The following SCD5 variants were observed in gnomAD, a reference collection of about 807,000 sequenced individuals.
SCD5 encodes the protein acyl-CoA-desaturase 4.
In SCD5, 20 loss-of-function variants were observed where a neutral mutation model predicts 30.4. That is an observed-to-expected ratio of 0.66 (90% CI 0.46 to 0.96). The LOEUF is 0.96. SCD5 is among the 40% of genes least tolerant of loss of function. SCD5 has a pLI of 0.00. For synonymous variants in SCD5, 173 were observed against 176.4 expected, an observed-to-expected ratio of 0.98 and a Z score of 0.16; for missense variants, 381 against 443.3, an observed-to-expected ratio of 0.86 and a Z score of 1.26.
intron 3 of SCD5, among the ~76,000 whole-genome samples, chr4:82,672,144 T>C (rs989068001): frequency 6.6e-6 from 1 of 151,172 alleles, no homozygotes; most frequent in African/African-American, 2.4e-5. Context: ...CTTAGGAAAC[T>C]AAAAAAAGAA....
intron 2 of SCD5, among the ~76,000 whole-genome samples, chr4:82,691,227 T>C (rs886622742): frequency 6.6e-6 from 1 of 152,172 alleles, no homozygotes; most frequent in African/African-American, 2.4e-5. Flanking sequence ...GGTTTCATCA[T>C]GTTGGCCAGG....
intron 1 of SCD5, among the ~76,000 whole-genome samples, chr4:82,718,340 A>C (rs6535384): frequency 1.7e-4 from 26 of 151,418 alleles, no homozygotes; most frequent in Admixed American, 3.3e-4. Context: ...TGAAAAGTCC[A>C]GGAAAGCCTC....
chr4:82,682,554 C>G (rs983667493), intron 2 of SCD5, among the ~76,000 whole-genome samples: 1 of 152,024 alleles, frequency 6.6e-6, no homozygotes, highest in Non-Finnish European at 1.5e-5. Flanking sequence ...ATATTTTATA[C>G]CATAATATTC....
At chr4:82,781,581 T>C (rs553860399) in intron 1 of SCD5, among the ~76,000 whole-genome samples, 33 of 152,270 alleles carry the variant, frequency 2.2e-4, no homozygotes, top group Non-Finnish European at 4.4e-4. Flanking sequence ...TGATTCCCAG[T>C]GCCACAGTGT....
At chr4:82,757,044 C>T (rs533671557) in intron 1 of SCD5, among the ~76,000 whole-genome samples, 6 of 152,120 alleles carry the variant, frequency 3.9e-5, no homozygotes, top group Non-Finnish European at 8.8e-5. Context: ...CTCCCATTCT[C>T]AAAACCCTTC....
chr4:82,778,110 C>T (rs1355060993), intron 1 of SCD5, among the ~76,000 whole-genome samples: 1 of 152,086 alleles, frequency 6.6e-6, no homozygotes, highest in African/African-American at 2.4e-5. Flanking sequence ...AGCAGACTAA[C>T]ACAGGAACAG....
At chr4:82,699,242 C>G (rs1033356023) in intron 2 of SCD5, among the ~76,000 whole-genome samples, 1 of 152,172 alleles carries the variant, frequency 6.6e-6, no homozygotes, top group Non-Finnish European at 1.5e-5. Flanking sequence ...AAGAGGGTGA[C>G]TTCTGGAGTC....
intron 2 of SCD5, among the ~76,000 whole-genome samples, chr4:82,688,629 C>T (rs1189529431): frequency 6.6e-6 from 1 of 152,120 alleles, no homozygotes; most frequent in Non-Finnish European, 1.5e-5. Flanking sequence ...CAGTCCACAC[C>T]ACCTGGCAAA....
chr4:82,704,188 G>A (rs1280231517), intron 2 of SCD5, among the ~76,000 whole-genome samples: 1 of 152,314 alleles, frequency 6.6e-6, no homozygotes, highest in East Asian at 1.9e-4. Flanking sequence ...AGAGCACTTA[G>A]TGAAATATTC....
intron 1 of SCD5, among the ~76,000 whole-genome samples, chr4:82,719,783 A>G (rs1219170889): frequency 6.6e-6 from 1 of 150,690 alleles, no homozygotes; most frequent in Non-Finnish European, 1.5e-5. Flanking sequence ...GATTACAGGC[A>G]TGAGCCACCG....
intron 3 of SCD5, among the ~76,000 whole-genome samples, chr4:82,665,076 A>ATTT (rs59529272): frequency 2.7e-5 from 2 of 74,938 alleles, no homozygotes; most frequent in African/African-American, 9.7e-5. Context: ...ATATATATAT[A>ATTT]TTTTTTTTTT....
At chr4:82,793,484 AG>A (rs1475689309) in intron 1 of SCD5, among the ~76,000 whole-genome samples, 1 of 152,250 alleles carries the variant, frequency 6.6e-6, no homozygotes, top group African/African-American at 2.4e-5. Flanking sequence ...ACGTTGAGAA[AG>A]AGCCCTTATT....
chr4:82,663,908 A>G (rs1728102302), intron 3 of SCD5, among the ~76,000 whole-genome samples: 1 of 152,172 alleles, frequency 6.6e-6, no homozygotes, highest in South Asian at 2.1e-4. Flanking sequence ...GCACTGCTCA[A>G]CAGCAGAGGT....
At chr4:82,756,739 G>A (rs554359234) in intron 1 of SCD5, among the ~76,000 whole-genome samples, 3 of 143,450 alleles carry the variant, frequency 2.1e-5, no homozygotes, top group Non-Finnish European at 4.5e-5. Flanking sequence ...CCTACTTGTA[G>A]CCGCCCTCAC....
intron 1 of SCD5, among the ~76,000 whole-genome samples, chr4:82,720,441 TAAAAAAAA>T (rs1553917690): frequency 1.3e-4 from 10 of 77,938 alleles, no homozygotes; most frequent in African/African-American, 5.3e-4. Flanking sequence ...AAGGCAAAAA[TAAAAAAAA>T]AAAAAAAAAA....
intron 1 of SCD5, among the ~76,000 whole-genome samples, chr4:82,720,441 T>TACAAA (rs778480466): frequency 0.084 from 6,495 of 77,008 alleles, 603 homozygotes; most frequent in East Asian, 0.15. Flanking sequence ...AAGGCAAAAA[T>TACAAA]AAAAAAAAAA....
At chr4:82,706,747 C>T (rs1246156801) in intron 1 of SCD5, among the ~76,000 whole-genome samples, 4 of 152,262 alleles carry the variant, frequency 2.6e-5, no homozygotes, top group Non-Finnish European at 5.9e-5. Flanking sequence ...AAGATGCCCA[C>T]AAGAGCTAAA....
intron 1 of SCD5, among the ~76,000 whole-genome samples, chr4:82,793,598 C>G (rs141392524): frequency 6.6e-6 from 1 of 152,158 alleles, no homozygotes; most frequent in African/African-American, 2.4e-5. Context: ...TTTTTTTCTT[C>G]TGCTAAAGAA....
At chr4:82,681,238 T>C (rs1003652727) in intron 2 of SCD5, among the ~76,000 whole-genome samples, 1 of 152,104 alleles carries the variant, frequency 6.6e-6, no homozygotes, top group African/African-American at 2.4e-5. Context: ...TCCTAGATCA[T>C]TTATGTCAAG....
Sources: gnomAD v4.1 joint callset for allele counts (sites outside exome capture counted in the v4.1 genomes callset) on GRCh38, gnomAD v4.1.1 for gene constraint, MANE v1.5 for transcripts, NCBI Gene and HGNC (gene_info 2026-07-23, HGNC 2026-07-21) for gene names.